Variants in CCDC57 observed in about 807,000 individuals in gnomAD.
The protein encoded by CCDC57 is coiled-coil domain-containing protein 57.
A neutral mutation model predicts 118.9 loss-of-function variants in CCDC57; 118 were observed. That is an observed-to-expected ratio of 0.99 (90% CI 0.86 to 1.16). CCDC57 has a LOEUF of 1.16. Ranked by LOEUF, CCDC57 falls within the 50% of genes most tolerant of loss-of-function variation. The pLI is 0.00. For missense variants in CCDC57, 1,300 were observed against 1,320.7 expected (o/e 0.98, Z 0.24); for synonymous variants, 527 against 532.9 (o/e 0.99, Z 0.15).
intron 3 of CCDC57, among the ~76,000 whole-genome samples, chr17:82,199,509 G>C (rs112007412): frequency 1.4e-5 from 2 of 145,938 alleles, no homozygotes; most frequent in Non-Finnish European, 1.5e-5. Context: ...GACTGAAAAA[G>C]TACCTGAACA....
chr17:82,104,076 C>T (rs1055501295), intron 19 of CCDC57, among the ~76,000 whole-genome samples: 50 of 152,204 alleles, frequency 3.3e-4, no homozygotes, highest in African/African-American at 1.1e-3. Flanking sequence ...CTGCCCCAGG[C>T]GTGACTCCCT....
rs557551456 is a variant in CCDC57 at position 82,194,280 on chromosome 17, C to T, written c.619-141G>A. 33 of 829,270 alleles carry T rather than the reference C, an allele frequency of 4.0e-5. No individual in the cohort carries two copies. The East Asian group carries it at 4.3e-4, about 11-fold the overall frequency. 51.4% of individuals were successfully genotyped at this position (829,270 alleles called of 1,614,324 possible). ...AGAAGCAGTAAAACAGTGAGAATGTCCTAACACAACTCAAACGAGACTCAA... is the reference window on the plus strand; with the variant it reads ...AGAAGCAGTAAAACAGTGAGAATGTTCTAACACAACTCAAACGAGACTCAA... On this transcript the variant is annotated intron_variant, in intron 5 of 19. Transcript: ENST00000665763.
intron 16 of CCDC57, chr17:82,134,440 C>G: frequency 2.8e-6 from 1 of 358,080 alleles, no homozygotes; most frequent in East Asian, 4.1e-5. Context: ...ACAGCGGGGG[C>G]AGCAAGCACA....
chr17:82,202,791 A>C lies in CCDC57; in HGVS notation c.-8-839T>G, dbSNP rs554622817. Reference sequence around the variant, plus strand: ...AAATTAAAAAAAAGAAATCCAGGGGAAGTAGAGGAAGGGAAGATGGGAAAC... The same window carrying C: ...AAATTAAAAAAAAGAAATCCAGGGGCAGTAGAGGAAGGGAAGATGGGAAAC... On this transcript the variant is annotated intron_variant, in intron 2 of 19. Transcript: ENST00000665763. Among the ~76,000 whole-genome samples the C allele has an allele frequency of 1.8e-4, 27 of 152,210 alleles. 1 individual carries two copies. In the South Asian group the frequency reaches 5.6e-3, roughly 32 times the overall value.
At chr17:82,109,778 A>G (rs1257008774) in intron 19 of CCDC57, among the ~76,000 whole-genome samples, 1 of 151,796 alleles carries the variant, frequency 6.6e-6, no homozygotes, top group Non-Finnish European at 1.5e-5. Flanking sequence ...AATGGTGTGA[A>G]CCTGGGAGGC....
chr17:82,107,760 G>C (rs1598613100), intron 19 of CCDC57: 1 of 375,074 alleles, frequency 2.7e-6, no homozygotes, highest in East Asian at 7.3e-5. Context: ...GGAAGTCGTG[G>C]ACCGGCGTCC....
At chr17:82,124,148 G>C (rs2037109157) in intron 19 of CCDC57, among the ~76,000 whole-genome samples, 1 of 152,210 alleles carries the variant, frequency 6.6e-6, no homozygotes, top group African/African-American at 2.4e-5. Context: ...ACAGACCCCA[G>C]AAAGAGCAGA....
rs549052361 is a variant in CCDC57, at chr17:82,132,075, G to A, written c.2577+1998C>T. 1.3e-4 allele frequency among the ~76,000 whole-genome samples: 18 copies of A among 141,180 alleles called. No homozygotes were observed. The South Asian group carries it at 3.1e-3, about 24-fold the overall frequency. 92.6% of individuals were successfully genotyped at this position (141,180 alleles called of 152,430 possible). On this transcript the variant is annotated intron_variant, in intron 17 of 19. Coordinates refer to ENST00000665763, the Ensembl canonical transcript of CCDC57. ...GGAGGTTGCAGTGAGCCCAAATTAC[G>A]CCACTGCACTCCAGCCTTGGGTGAC...
At chr17:82,171,306 C>T (rs568190941) in intron 13 of CCDC57, among the ~76,000 whole-genome samples, 4 of 146,030 alleles carry the variant, frequency 2.7e-5, no homozygotes, top group Admixed American at 6.8e-5. Context: ...AGCCAGGGCA[C>T]GTGGGCTCTG....
At chr17:82,168,320 C>T (rs1357745177) in intron 13 of CCDC57, among the ~76,000 whole-genome samples, 3 of 152,172 alleles carry the variant, frequency 2.0e-5, no homozygotes, top group African/African-American at 4.8e-5. Context: ...TTAGGCCGGG[C>T]GCAGTGGCTC....
At chr17:82,188,349 C>G in exon 8 of CCDC57, 1 of 1,610,638 alleles carries the variant, frequency 6.2e-7, no homozygotes, top group Non-Finnish European at 8.5e-7. Context: ...TGCAGCTGCT[C>G]CACGTGGGCT....
In CCDC57 at chr17:82,192,648, T is replaced by G. The variant is rs954883461; in HGVS notation, c.851+1108A>C. 2.6e-5 allele frequency among the ~76,000 whole-genome samples: 4 copies of G among 152,298 alleles called. No individual in the cohort carries two copies. The highest frequency in any genetic ancestry group is 9.6e-5 in the African/African-American group (4 of 41,564). ...CTGTTTGGGCTCGACTGCCTCGGTT[T>G]CCTCATCTAGGTAGAGAACCCGGAT... On this transcript the variant is annotated intron_variant, in intron 7 of 19. Transcript: ENST00000665763. This position sits in a 1 kb window ranked among gnomAD's most constrained non-coding sequence, Gnocchi z 4.0.
intron 16 of CCDC57, among the ~76,000 whole-genome samples, chr17:82,150,053 C>A (rs2041684719): frequency 7.7e-6 from 1 of 130,290 alleles, no homozygotes; most frequent in Non-Finnish European, 1.6e-5. Flanking sequence ...TGACCCCCAC[C>A]CAGAACCAGG....
chr17:82,182,677 A>G (rs1385027840), intron 9 of CCDC57, among the ~76,000 whole-genome samples: 1 of 145,964 alleles, frequency 6.9e-6, no homozygotes, highest in African/African-American at 2.5e-5. Flanking sequence ...TTTATATTTT[A>G]TTTTTTATTT....
At chr17:82,136,494 C>A (rs1383547817) in intron 16 of CCDC57, among the ~76,000 whole-genome samples, 3 of 147,966 alleles carry the variant, frequency 2.0e-5, no homozygotes. Flanking sequence ...GATGCTCGCA[C>A]AACATTCTTG....
chr17:82,106,870 ATGGGG>A (rs1598609829), intron 19 of CCDC57, among the ~76,000 whole-genome samples: 1 of 152,322 alleles, frequency 6.6e-6, no homozygotes, highest in East Asian at 1.9e-4. Context: ...AAAGGGGCCC[ATGGGG>A]CCTTCCCAGG....
intron 16 of CCDC57, among the ~76,000 whole-genome samples, chr17:82,138,424 A>C (rs936932933): frequency 6.6e-6 from 1 of 152,022 alleles, no homozygotes; most frequent in Non-Finnish European, 1.5e-5. Context: ...CTGGGATTAC[A>C]GGCATGAGCC....
chr17:82,138,718 G>A (rs2039624843), intron 16 of CCDC57, among the ~76,000 whole-genome samples: 2 of 151,696 alleles, frequency 1.3e-5, no homozygotes, highest in Non-Finnish European at 1.5e-5. Context: ...GCCTGCCCCG[G>A]GCTGTGTGTG....
intron 1 of CCDC57, among the ~76,000 whole-genome samples, chr17:82,209,112 CG>C (rs2049996532): frequency 6.6e-6 from 1 of 152,064 alleles, no homozygotes. Flanking sequence ...CACTGACTGC[CG>C]AAGAGTAGCC....
Sources: allele counts gnomAD v4.1 joint callset (sites outside exome capture counted in the v4.1 genomes callset), GRCh38; gene constraint gnomAD v4.1.1; non-coding constraint Gnocchi (gnomAD v3.1); transcripts MANE v1.5; gene names NCBI Gene and HGNC (gene_info 2026-07-23, HGNC 2026-07-21).